IL1RAPL1: variants seen among roughly 807,000 people sequenced by gnomAD.
The protein encoded by IL1RAPL1 is interleukin 1 receptor accessory protein like 1.
IL1RAPL1 carries 3 observed loss-of-function variants against 48.4 expected under a neutral mutation model. The ratio of observed to expected loss-of-function variants is 0.06; its 90% confidence interval spans 0.03 to 0.16. IL1RAPL1 has a LOEUF of 0.16. Among genes scored for constraint, IL1RAPL1 ranks in the 10% least tolerant of loss-of-function variants. IL1RAPL1 has a pLI of 1.00. For missense variants in IL1RAPL1, 349 were observed against 530.6 expected, an observed-to-expected ratio of 0.66 and a Z score of 3.36; for synonymous variants, 185 against 187.7, an observed-to-expected ratio of 0.99 and a Z score of 0.12.
intron 1 of IL1RAPL1, among the ~76,000 whole-genome samples, chrX:28,654,193 C>T (rs1432525939): frequency 3.4e-5 from 3 of 88,418 alleles, no homozygotes; most frequent in East Asian, 7.2e-4. Context: ...ATTTGGTGTA[C>T]TTCTTTGGTT....
chrX:29,585,807 G>A (rs1923136319), intron 5 of IL1RAPL1, among the ~76,000 whole-genome samples: 1 of 112,027 alleles, frequency 8.9e-6, no homozygotes, highest in African/African-American at 3.2e-5. Context: ...TTGGCCATTT[G>A]TATGTCTTCT....
intron 1 of IL1RAPL1, among the ~76,000 whole-genome samples, chrX:28,747,342 C>T (rs994352142): frequency 2.7e-5 from 3 of 111,724 alleles, no homozygotes; most frequent in Admixed American, 9.6e-5. Flanking sequence ...CCTTGAATAA[C>T]AGTTCAGCAG....
chrX:29,240,506 A>G (rs1931404692), intron 2 of IL1RAPL1, among the ~76,000 whole-genome samples: 1 of 109,004 alleles, frequency 9.2e-6, no homozygotes, highest in South Asian at 3.9e-4. Flanking sequence ...AAGTGCTGGG[A>G]TTACAGGCGT....
At chrX:29,809,272 ATTT>A (rs145317655) in intron 6 of IL1RAPL1, among the ~76,000 whole-genome samples, 3 of 91,888 alleles carry the variant, frequency 3.3e-5, no homozygotes, top group Non-Finnish European at 4.4e-5. Context: ...AATTTTTTGC[ATTT>A]TTTTTTTTTT....
chrX:29,956,305 A>C lies in IL1RAPL1; in HGVS notation c.*485A>C, dbSNP rs1194483067. 9.7e-6 allele frequency: 1 copy of C among 103,020 alleles called. No homozygotes were observed. Among genetic ancestry groups the C allele is most frequent in the Non-Finnish European group, 2.0e-5 (1 of 50,669 alleles). 8.5% of individuals were successfully genotyped at this position (103,020 alleles called of 1,213,427 possible). ...TCGGCCTTCAGAGAACAGTGCAACA[A>C]ATGCCAGCATTGCCATTCGGGGGAA... is the stretch of plus-strand genomic sequence containing the variant. On this transcript the variant is annotated 3_prime_UTR_variant, in exon 11 of 11. Transcript: ENST00000378993.
intron 6 of IL1RAPL1, among the ~76,000 whole-genome samples, chrX:29,903,183 T>A (rs149745472): frequency 0.036 from 3,314 of 92,938 alleles, 76 homozygotes; most frequent in Non-Finnish European, 0.055. Flanking sequence ...TGTGTGTGTG[T>A]GAGAGAGAGA....
chrX:28,797,603 C>T, intron 2 of IL1RAPL1, among the ~76,000 whole-genome samples: 1 of 111,771 alleles, frequency 8.9e-6, no homozygotes, highest in African/African-American at 3.3e-5. Context: ...TCCTCATCTC[C>T]ATCTCAGAAC....
intron 3 of IL1RAPL1, among the ~76,000 whole-genome samples, chrX:29,338,341 A>G (rs773312448): frequency 3.1e-4 from 35 of 111,998 alleles, no homozygotes; most frequent in Non-Finnish European, 5.1e-4. Context: ...TAATGAATCT[A>G]AAAGTGTTAA....
At chrX:29,250,766 C>A (rs1412812139) in intron 2 of IL1RAPL1, among the ~76,000 whole-genome samples, 1 of 111,362 alleles carries the variant, frequency 9.0e-6, no homozygotes, top group Non-Finnish European at 1.9e-5. Context: ...TGTTGTCCAG[C>A]GGTTTAATTG....
rs190438012 is a variant in IL1RAPL1, at chrX:29,783,184, G to T, written c.778+114680G>T. Among the ~76,000 whole-genome samples the T allele has an allele frequency of 4.1e-3, 449 of 110,163 alleles. 10 individuals carry two copies. The East Asian group carries it at 0.086, about 21-fold the overall frequency. On this transcript the variant is annotated intron_variant, in intron 6 of 10. Coordinates refer to ENST00000378993, the MANE Select transcript of IL1RAPL1 (RefSeq NM_014271.4). Reference sequence around the variant, plus strand: ...CTCCCAAAGTGCTGGGATTACAGGCGTGAGCCACCGCGCCCGGCCGATCGT... The same window carrying T: ...CTCCCAAAGTGCTGGGATTACAGGCTTGAGCCACCGCGCCCGGCCGATCGT...
chrX:29,750,083 C>A (rs778627734), intron 6 of IL1RAPL1, among the ~76,000 whole-genome samples: 1 of 112,105 alleles, frequency 8.9e-6, no homozygotes, highest in South Asian at 3.7e-4. Flanking sequence ...CCTTGTGACA[C>A]CTCAATTCTC....
At chrX:29,208,028 A>C (rs1011567102) in intron 2 of IL1RAPL1, among the ~76,000 whole-genome samples, 63 of 111,967 alleles carry the variant, frequency 5.6e-4, no homozygotes, top group African/African-American at 2.0e-3. Context: ...CTTGCCTCTC[A>C]GTGGACTATT....
At chrX:29,785,260 T>C (rs1476649865) in intron 6 of IL1RAPL1, among the ~76,000 whole-genome samples, 2 of 112,211 alleles carry the variant, frequency 1.8e-5, no homozygotes, top group Non-Finnish European at 3.8e-5. Flanking sequence ...CTCAGCACCA[T>C]TCTTCATCAG....
Position 29,580,136 on chromosome X carries a change from CT to C in IL1RAPL1, c.704-88280del, listed in dbSNP as rs762760607. On this transcript the variant is annotated intron_variant, in intron 5 of 10. Coordinates refer to ENST00000378993, the MANE Select transcript of IL1RAPL1 (RefSeq NM_014271.4). ...TTACTGGTATTTTCCCTCAGAAAGT[CT>C]TTTTTTTTTTTTTCACTTTGACGTG... Among the ~76,000 whole-genome samples, 716 of 92,980 alleles carry C rather than the reference CT, an allele frequency of 7.7e-3. 3 individuals carry two copies. The highest frequency in any genetic ancestry group is 0.02 in the African/African-American group (507 of 25,993). The allele number at this position is 92,980 out of a possible 115,157, so 80.7% of individuals were successfully genotyped here. A position where few individuals can be genotyped will look rare whatever the true frequency, so the allele number is the denominator to read the frequency against.
chrX:28,923,040 A>G (rs1923651669), intron 2 of IL1RAPL1, among the ~76,000 whole-genome samples: 1 of 112,273 alleles, frequency 8.9e-6, no homozygotes, highest in Non-Finnish European at 1.9e-5. Flanking sequence ...TAAAAGTAAC[A>G]GATTAAAAAT....
intron 5 of IL1RAPL1, among the ~76,000 whole-genome samples, chrX:29,412,321 T>A (rs767607391): frequency 2.7e-5 from 3 of 110,410 alleles, no homozygotes; most frequent in Non-Finnish European, 5.7e-5. Flanking sequence ...AAAAAAAATA[T>A]CAACAACTGG....
At chrX:28,667,374 A>G (rs1392907591) in intron 1 of IL1RAPL1, among the ~76,000 whole-genome samples, 2 of 112,048 alleles carry the variant, frequency 1.8e-5, no homozygotes, top group Non-Finnish European at 3.8e-5. Context: ...AAGTAAAACA[A>G]AACTTATTGT....
intron 5 of IL1RAPL1, among the ~76,000 whole-genome samples, chrX:29,520,937 C>T (rs967898897): frequency 5.4e-5 from 6 of 110,720 alleles, no homozygotes; most frequent in African/African-American, 9.8e-5. Context: ...TTGTATGTGC[C>T]GGAATGTCTA....
Position 28,762,823 on chromosome X carries a change from C to CAGAG in IL1RAPL1, c.-24-26471_-24-26468dup, listed in dbSNP as rs146402299. Among the ~76,000 whole-genome samples, 136 of 36,766 alleles carry CAGAG rather than the reference C, an allele frequency of 3.7e-3. 2 individuals carry two copies. The highest frequency in any genetic ancestry group is 6.5e-3 in the African/African-American group (86 of 13,213). 31.9% of individuals were successfully genotyped at this position (36,766 alleles called of 115,157 possible). A position where few individuals can be genotyped will look rare whatever the true frequency, so the allele number is the denominator to read the frequency against. ...ACACACACACACACACACACACACA[C>CAGAG]AGAGAGAGAGAGAGAGAGAGAGAGA... is the stretch of plus-strand genomic sequence containing the variant. On this transcript the variant is annotated intron_variant, in intron 1 of 10. Transcript: ENST00000378993.
Sources: allele counts gnomAD v4.1 joint callset (sites outside exome capture counted in the v4.1 genomes callset), GRCh38; gene constraint gnomAD v4.1.1; transcripts MANE v1.5; gene names NCBI Gene and HGNC (gene_info 2026-07-23, HGNC 2026-07-21).